PLPP3: variants seen among roughly 807,000 people sequenced by gnomAD.
PLPP3 encodes the protein PAP2 beta.
PLPP3 carries 6 observed loss-of-function variants against 29.6 expected under a neutral mutation model. The ratio of observed to expected loss-of-function variants is 0.20; its 90% CI spans 0.11 to 0.40. PLPP3 has a LOEUF of 0.40. Among genes scored for constraint, PLPP3 ranks in the 10% least tolerant of loss-of-function variants. The probability of loss-of-function intolerance (pLI) is 1.00; values close to 1 mark genes in which losing one functional copy is unlikely to be tolerated. For synonymous variants in PLPP3, 152 were observed against 159.7 expected, an observed-to-expected ratio of 0.95 and a Z score of 0.36; for missense variants, 308 against 407.7, an observed-to-expected ratio of 0.76 and a Z score of 2.11.
At chr1:56,576,005 C>T (rs963123299) in intron 1 of PLPP3, among the ~76,000 whole-genome samples, 9 of 152,116 alleles carry the variant, frequency 5.9e-5, no homozygotes, top group East Asian at 1.9e-4. Flanking sequence ...AGCAATTAAT[C>T]GGTAAAGATA....
intron 1 of PLPP3, among the ~76,000 whole-genome samples, chr1:56,553,182 C>T (rs139025648): frequency 6.6e-6 from 1 of 152,186 alleles, no homozygotes; most frequent in East Asian, 1.9e-4. Flanking sequence ...AAATATGATT[C>T]ATGTGTGTGG....
chr1:56,576,039 C>A lies in PLPP3; in HGVS notation c.139+2839G>T, dbSNP rs145773316. ...TAGCTGTCCAATGAAAGGTAAACTC[C>A]CACTGGTGTTATTTGACACCAGATT... On this transcript the variant is annotated intron_variant, in intron 1 of 5. Coordinates refer to ENST00000371250, the MANE Select transcript of PLPP3 (RefSeq NM_003713.5). 1.6e-3 allele frequency among the ~76,000 whole-genome samples: 240 copies of A among 152,224 alleles called. 2 individuals are homozygous for A. Among genetic ancestry groups the A allele is most frequent in the African/African-American group, 5.3e-3 (220 of 41,536 alleles).
chr1:56,524,208 G>C lies in PLPP3; in HGVS notation c.575+69C>G, dbSNP rs1645837612. 6.4e-7 allele frequency: 1 copy of C among 1,562,130 alleles called. No individual in the cohort carries two copies. The highest frequency in any genetic ancestry group is 1.2e-5 in the South Asian group (1 of 86,656). On this transcript the variant is annotated intron_variant, in intron 3 of 5. Transcript: ENST00000371250. This position sits in a 1 kb window ranked among gnomAD's most constrained non-coding sequence, Gnocchi z 4.3. ...ACCCATCTAAACCAGGGCCCAGCTA[G>C]TAAGTGCTCACTGAACTGCACTGTA...
chr1:56,553,036 T>C (rs796849881), intron 1 of PLPP3, among the ~76,000 whole-genome samples: 5 of 152,286 alleles, frequency 3.3e-5, no homozygotes, highest in African/African-American at 1.2e-4. Context: ...AAATTCAACA[T>C]GGACATTTCA....
intron 4 of PLPP3, among the ~76,000 whole-genome samples, chr1:56,521,491 G>A (rs1006819143): frequency 6.6e-6 from 1 of 152,146 alleles, no homozygotes; most frequent in Non-Finnish European, 1.5e-5. Context: ...GAGTTCTGAA[G>A]AGCGTATGTG....
chr1:56,543,169 G>T (rs1645981624), intron 1 of PLPP3, among the ~76,000 whole-genome samples: 1 of 152,170 alleles, frequency 6.6e-6, no homozygotes, highest in African/African-American at 2.4e-5. Flanking sequence ...GCTAGCAATG[G>T]TCCCAATTTG....
chr1:56,500,724 G>C (rs1645661632), intron 5 of PLPP3, among the ~76,000 whole-genome samples: 1 of 152,200 alleles, frequency 6.6e-6, no homozygotes. Flanking sequence ...CATGTTGGAG[G>C]TCAGGTGCAG....
At chr1:56,565,085 C>T (rs1646152434) in intron 1 of PLPP3, among the ~76,000 whole-genome samples, 1 of 152,142 alleles carries the variant, frequency 6.6e-6, no homozygotes, top group Admixed American at 6.5e-5. Flanking sequence ...CCTACTGAGG[C>T]CAAATTGACC....
chr1:56,547,517 G>T (rs1218581804), intron 1 of PLPP3, among the ~76,000 whole-genome samples: 1 of 152,090 alleles, frequency 6.6e-6, no homozygotes. Flanking sequence ...TGTTTACAGG[G>T]ATCCTAACCA....
intron 1 of PLPP3, among the ~76,000 whole-genome samples, chr1:56,554,504 G>A (rs1021015520): frequency 2.6e-5 from 4 of 151,348 alleles, no homozygotes; most frequent in Non-Finnish European, 5.9e-5. Context: ...CCCGGGAGGC[G>A]GAGCTTGCAG....
At chr1:56,500,089 C>T (rs1362131010) in intron 5 of PLPP3, among the ~76,000 whole-genome samples, 1 of 152,226 alleles carries the variant, frequency 6.6e-6, no homozygotes, top group Admixed American at 6.5e-5. Flanking sequence ...GTTTTCAATT[C>T]CGTTTCTCCA....
intron 2 of PLPP3, among the ~76,000 whole-genome samples, chr1:56,534,230 A>G (rs1480530519): frequency 6.6e-6 from 1 of 152,178 alleles, no homozygotes; most frequent in Non-Finnish European, 1.5e-5. Flanking sequence ...AGGGATAGGA[A>G]CCATTGCTTT....
chr1:56,535,077 G>A (rs1645915904), intron 2 of PLPP3, among the ~76,000 whole-genome samples: 1 of 152,064 alleles, frequency 6.6e-6, no homozygotes, highest in African/African-American at 2.4e-5. Context: ...CATTTACTGG[G>A]CATACCATAT....
chr1:56,575,080 A>T (rs1206403786), intron 1 of PLPP3, among the ~76,000 whole-genome samples: 1 of 152,170 alleles, frequency 6.6e-6, no homozygotes, highest in Non-Finnish European at 1.5e-5. Flanking sequence ...GTAGATGCAT[A>T]GGGTAGACAT....
At chr1:56,568,596 C>A (rs1646176837) in intron 1 of PLPP3, among the ~76,000 whole-genome samples, 1 of 152,144 alleles carries the variant, frequency 6.6e-6, no homozygotes. Context: ...AGGCTCCCAA[C>A]CTGGAGTTCA....
At chr1:56,568,039 A>G (rs887529102) in intron 1 of PLPP3, among the ~76,000 whole-genome samples, 10 of 152,212 alleles carry the variant, frequency 6.6e-5, no homozygotes, top group Admixed American at 6.5e-4. Context: ...GCCAGTCACG[A>G]AAGACCACAT....
intron 1 of PLPP3, among the ~76,000 whole-genome samples, chr1:56,551,087 G>A (rs1348617447): frequency 4.6e-5 from 7 of 152,224 alleles, no homozygotes; most frequent in South Asian, 4.1e-4. Context: ...GTACTCTGTC[G>A]TGGGTAGCCT....
Position 56,506,929 on chromosome 1 carries a change from C to A in PLPP3, c.810+5047G>T, listed in dbSNP as rs148651980. Among the ~76,000 whole-genome samples the A allele has an allele frequency of 1.2e-3, 183 of 152,294 alleles. 6 individuals carry two copies. The East Asian group carries it at 0.034, about 29-fold the overall frequency. On this transcript the variant is annotated intron_variant, in intron 5 of 5. Transcript: ENST00000371250. ...TTGTCCTGTGTACCTCTGTCCAGAT[C>A]TCTGAAGGTGTGCAGGCAGGCCTAT...
chr1:56,532,240 TC>T (rs1289310974), intron 2 of PLPP3, among the ~76,000 whole-genome samples: 1 of 152,102 alleles, frequency 6.6e-6, no homozygotes, highest in Non-Finnish European at 1.5e-5. Context: ...TCTGTAGCCA[TC>T]TGATCAGGGG....
Sources: allele counts gnomAD v4.1 joint callset (sites outside exome capture counted in the v4.1 genomes callset), GRCh38; gene constraint gnomAD v4.1.1; non-coding constraint Gnocchi (gnomAD v3.1); transcripts MANE v1.5; gene names NCBI Gene and HGNC (gene_info 2026-07-23, HGNC 2026-07-21).